DERA: variants seen among roughly 807,000 people sequenced by gnomAD.
The protein encoded by DERA is 2-deoxy-D-ribose 5-phosphate aldolase.
In DERA, 15 loss-of-function variants were observed where a neutral mutation model predicts 41.1. That is an observed-to-expected ratio of 0.37 (90% confidence interval 0.24 to 0.56). The LOEUF (loss-of-function observed/expected upper bound fraction) is 0.56, where lower values mean the gene tolerates loss of function less well. DERA is among the 20% of genes least tolerant of loss of function. The pLI, the probability that DERA is intolerant of heterozygous loss-of-function variation, is 0.81. For missense variants in DERA, 396 were observed against 403.4 expected, an observed-to-expected ratio of 0.98 and a Z score of 0.16; for synonymous variants, 139 against 137.4, an observed-to-expected ratio of 1.01 and a Z score of -0.08.
chr12:15,958,423 T>A, intron 3 of DERA, 88 bp downstream of exon 3: 3 of 961,506 alleles, frequency 3.1e-6, no homozygotes, highest in Non-Finnish European at 4.3e-6. Flanking sequence ...CAGCTGCTAA[T>A]GATAGCGGTG....
chr12:15,968,941 G>A (rs1948642063), intron 5 of DERA, among the ~76,000 whole-genome samples: 2 of 152,134 alleles, frequency 1.3e-5, no homozygotes, highest in Non-Finnish European at 2.9e-5. Context: ...TAGACCTTGG[G>A]TAAACACTTC....
At position 15,996,157 on chromosome 12, in the gene DERA, ATGTGTGTGTGTGTGTGTG is replaced by A. The variant is rs34468299; in HGVS notation, c.637+13739_637+13756del. Among the ~76,000 whole-genome samples the A allele has an allele frequency of 6.9e-6, 1 of 145,034 alleles. No homozygotes were observed. The highest frequency in any genetic ancestry group is 1.5e-5 in the Non-Finnish European group (1 of 65,598). On this transcript the variant is annotated intron_variant, in intron 6 of 8. Transcript: ENST00000428559. The surrounding 1 kb of genome is among the most constrained non-coding windows in gnomAD (Gnocchi z 4.7). ...GCAGACACAGACACACACACAGAGCATGTGTGTGTGTGTGTGTGTGTGTGTGTGTGTGTGTAATTTAAG... is the reference window on the plus strand; with the variant it reads ...GCAGACACAGACACACACACAGAGCATGTGTGTGTGTGTGTGTAATTTAAG...
chr12:15,997,431 A>T (rs1948845985), intron 6 of DERA, among the ~76,000 whole-genome samples: 2 of 152,202 alleles, frequency 1.3e-5, no homozygotes, highest in Non-Finnish European at 2.9e-5. Flanking sequence ...TTGAAGCAAG[A>T]CAAAGGTTAC....
chr12:15,983,273 A>G lies in DERA; in HGVS notation c.637+837A>G, dbSNP rs1948744395. Among the ~76,000 whole-genome samples the G allele has an allele frequency of 6.6e-6, 1 of 152,124 alleles. No homozygotes were observed. The highest frequency in any genetic ancestry group is 1.5e-5 in the Non-Finnish European group (1 of 68,020). On this transcript the variant is annotated intron_variant, in intron 6 of 8. Coordinates refer to ENST00000428559, the MANE Select transcript of DERA (RefSeq NM_015954.4). The surrounding 1 kb of genome is among the most constrained non-coding windows in gnomAD (Gnocchi z 6.2). ...TCCCTTCATCTTTATGGTAAAGTGT[A>G]CATTCCTTGATTCTTATTTTAAAAA...
chr12:15,920,166 T>A (rs1235282726), intron 1 of DERA, among the ~76,000 whole-genome samples: 2 of 152,200 alleles, frequency 1.3e-5, no homozygotes, highest in Admixed American at 6.5e-5. Context: ...CATTACCTCT[T>A]ATGAATATTT....
Position 16,010,838 on chromosome 12 carries a change from A to T in DERA, c.638-21704A>T, listed in dbSNP as rs1035621772. On this transcript the variant is annotated intron_variant, in intron 6 of 8. Transcript: ENST00000428559. The surrounding 1 kb of genome is among the most constrained non-coding windows in gnomAD (Gnocchi z 5.5). ...TAAGACTCCCCACAGAAAAATTAAC[A>T]CAACTTCTTTTATGAAAGACAGGTC... Among the ~76,000 whole-genome samples, 1 of 152,188 alleles carries T rather than the reference A, an allele frequency of 6.6e-6. No homozygotes were observed. The highest frequency in any genetic ancestry group is 1.5e-5 in the Non-Finnish European group (1 of 68,028).
chr12:15,954,605 T>C lies in DERA; in HGVS notation c.32-2331T>C, dbSNP rs1948523721. ...GCATAATGTGTCAGGGAACTGCCAG[T>C]AGTTTAGGAAGGCTGCACCACAGAG... On this transcript the variant is annotated intron_variant, in intron 1 of 8. Transcript: ENST00000428559. This position sits in a 1 kb window ranked among gnomAD's most constrained non-coding sequence, Gnocchi z 4.0. Among the ~76,000 whole-genome samples the C allele has an allele frequency of 6.6e-6, 1 of 151,930 alleles. No homozygotes were observed. The highest frequency in any genetic ancestry group is 2.1e-4 in the South Asian group (1 of 4,822).
chr12:15,948,583 C>G (rs1034564696), intron 1 of DERA, among the ~76,000 whole-genome samples: 1 of 152,172 alleles, frequency 6.6e-6, no homozygotes, highest in African/African-American at 2.4e-5. Context: ...ACTGGTTATT[C>G]TAGTTAGCAA....
intron 6 of DERA, among the ~76,000 whole-genome samples, chr12:16,015,229 G>A (rs937060378): frequency 1.1e-4 from 17 of 152,128 alleles, no homozygotes; most frequent in African/African-American, 4.1e-4. Context: ...CTTGGGAAGG[G>A]CCAGGGGCAG....
chr12:15,959,075 C>T lies in DERA; in HGVS notation c.277+740C>T, dbSNP rs1009152607. Among the ~76,000 whole-genome samples the T allele has an allele frequency of 1.1e-4, 16 of 152,020 alleles. No individual in the cohort carries two copies. The highest frequency in any genetic ancestry group is 3.9e-4 in the African/African-American group (16 of 41,380). On this transcript the variant is annotated intron_variant, in intron 3 of 8. Transcript: ENST00000428559. The surrounding 1 kb of genome is among the most constrained non-coding windows in gnomAD (Gnocchi z 4.5). ...TATCTGCTGTGAGTGCAACTGGAGA[C>T]GTTGAATTGGCCCAATGCAGGTCTT... is the stretch of plus-strand genomic sequence containing the variant.
At position 15,924,026 on chromosome 12, in the gene DERA, G is replaced by A. The variant is rs1948264939; in HGVS notation, c.31+12612G>A. ...CAGTCTTTAGTTGAAGAAAATAATT[G>A]AGTTAGTGAGTAACAGCCAAATAAT... On this transcript the variant is annotated intron_variant, in intron 1 of 8. Coordinates refer to ENST00000428559, the MANE Select transcript of DERA (RefSeq NM_015954.4). The surrounding 1 kb of genome is among the most constrained non-coding windows in gnomAD (Gnocchi z 5.0). 6.6e-6 allele frequency among the ~76,000 whole-genome samples: 1 copy of A among 152,150 alleles called. No homozygotes were observed. The highest frequency in any genetic ancestry group is 1.5e-5 in the Non-Finnish European group (1 of 68,026).
rs574023097 is a variant in DERA at position 15,935,004 on chromosome 12, G to T, written c.32-21932G>T. Among the ~76,000 whole-genome samples the T allele has an allele frequency of 6.0e-4, 92 of 152,140 alleles. No individual in the cohort carries two copies. The highest frequency in any genetic ancestry group is 1.2e-3 in the Non-Finnish European group (82 of 68,034). ...GTTCCTCCCAGAGAGGTCAGTCATT[G>T]GTTGACACCACTTTTTTTATAGCAA... On this transcript the variant is annotated intron_variant, in intron 1 of 8. Transcript: ENST00000428559. This position sits in a 1 kb window ranked among gnomAD's most constrained non-coding sequence, Gnocchi z 4.8.
At chr12:15,947,815 A>G (rs971612229) in intron 1 of DERA, among the ~76,000 whole-genome samples, 5 of 152,168 alleles carry the variant, frequency 3.3e-5, no homozygotes, top group African/African-American at 1.2e-4. Context: ...GACGGTCTTT[A>G]CAATTTGGCA....
chr12:15,951,756 C>T (rs1948499225), intron 1 of DERA, among the ~76,000 whole-genome samples: 1 of 152,182 alleles, frequency 6.6e-6, no homozygotes, highest in South Asian at 2.1e-4. Flanking sequence ...TGCACATACA[C>T]CAACAGATAC....
At chr12:16,032,360 G>A (rs1450699741) in intron 6 of DERA, among the ~76,000 whole-genome samples, 182 bp from the exon 7 acceptor site, 6 of 152,004 alleles carry the variant, frequency 3.9e-5, no homozygotes, top group African/African-American at 1.4e-4. Flanking sequence ...ATGGTAAGGG[G>A]GAAAAAGTAT....
At position 15,989,011 on chromosome 12, in the gene DERA, C is replaced by T. The variant is rs1234748438; in HGVS notation, c.637+6575C>T. ...GCTTTGCTCCGCAGTGGAGAAGGCT[C>T]CAGGAGTAGGGAGAGGCCAGGGAGT... On this transcript the variant is annotated intron_variant, in intron 6 of 8. Transcript: ENST00000428559. This position sits in a 1 kb window ranked among gnomAD's most constrained non-coding sequence, Gnocchi z 5.2. Among the ~76,000 whole-genome samples the T allele has an allele frequency of 1.4e-4, 21 of 152,212 alleles. No individual in the cohort carries two copies.
rs1055671023 is a variant in DERA at position 15,943,747 on chromosome 12, A to G, written c.32-13189A>G. On this transcript the variant is annotated intron_variant, in intron 1 of 8. Transcript: ENST00000428559. The surrounding 1 kb of genome is among the most constrained non-coding windows in gnomAD (Gnocchi z 4.5). ...TTTATTTATTTATTTATTTTATTAT[A>G]CTTTAAGTTCTAGGATACATATGCA... is the stretch of plus-strand genomic sequence containing the variant. Among the ~76,000 whole-genome samples, 13 of 111,734 alleles carry G rather than the reference A, an allele frequency of 1.2e-4. No homozygotes were observed. The highest frequency in any genetic ancestry group is 4.2e-4 in the African/African-American group (13 of 30,966). 73.3% of individuals were successfully genotyped at this position (111,734 alleles called of 152,430 possible).
chr12:15,920,286 C>T (rs1016252504), intron 1 of DERA, among the ~76,000 whole-genome samples: 2 of 152,080 alleles, frequency 1.3e-5, no homozygotes, highest in Non-Finnish European at 2.9e-5. Context: ...TGTTTGTTAT[C>T]AGTCCAACCC....
At position 15,997,683 on chromosome 12, in the gene DERA, A is replaced by T. The variant is rs1948848257; in HGVS notation, c.637+15247A>T. Among the ~76,000 whole-genome samples the T allele has an allele frequency of 3.3e-5, 5 of 152,350 alleles. No individual in the cohort carries two copies. The South Asian group carries it at 1.0e-3, about 32-fold the overall frequency. On this transcript the variant is annotated intron_variant, in intron 6 of 8. Transcript: ENST00000428559. ...TTTAAATTTTAACGTGGCTCTAAAA[A>T]AATCCATAAAATCCATTGATTGTAT...
Sources: allele counts gnomAD v4.1 joint callset (sites outside exome capture counted in the v4.1 genomes callset), GRCh38; gene constraint gnomAD v4.1.1; non-coding constraint Gnocchi (gnomAD v3.1); transcripts MANE v1.5; gene names NCBI Gene and HGNC (gene_info 2026-07-23, HGNC 2026-07-21).